DNAJC15: variants seen among roughly 807,000 people sequenced by gnomAD.
The protein encoded by DNAJC15 is dnaJ homolog subfamily C member 15.
A neutral mutation model predicts 22.4 loss-of-function variants in DNAJC15; 27 were observed. That is an observed-to-expected ratio of 1.20 (90% confidence interval 0.89 to 1.66). The LOEUF (loss-of-function observed/expected upper bound fraction) is 1.66, where lower values mean the gene tolerates loss of function less well. Ranked by LOEUF, DNAJC15 falls within the 40% of genes most tolerant of loss-of-function variation. The pLI, the probability that DNAJC15 is intolerant of heterozygous loss-of-function variation, is 0.00. For synonymous variants in DNAJC15, 79 were observed against 63.2 expected, an observed-to-expected ratio of 1.25 and a Z score of -1.19; for missense variants, 208 against 187.1, an observed-to-expected ratio of 1.11 and a Z score of -0.65.
intron 1 of DNAJC15, among the ~76,000 whole-genome samples, chr13:43,041,525 A>G (rs907534571): frequency 6.6e-6 from 1 of 152,152 alleles, no homozygotes; most frequent in Non-Finnish European, 1.5e-5. Flanking sequence ...GATATTTAAC[A>G]TGTCTTGTAG....
rs2040824239 is a variant in DNAJC15 at position 43,111,438 on chromosome 13, A to G, written c.*4190A>G. The G allele has an allele frequency of 6.6e-6, 1 of 152,196 alleles. No homozygotes were observed. The highest frequency in any genetic ancestry group is 2.1e-4 in the South Asian group (1 of 4,828). 9.4% of individuals were successfully genotyped at this position (152,196 alleles called of 1,614,324 possible). On this transcript the variant is annotated 3_prime_UTR_variant, in exon 6 of 6. Transcript: ENST00000379221. ...CCAGCAGCATCATTAGAAATAATAT[A>G]TTTTATTCATGTGCAGAAATCTTTT...
intron 1 of DNAJC15, among the ~76,000 whole-genome samples, chr13:43,024,337 GTTTTTTTT>G (rs376910976): frequency 9.0e-4 from 84 of 93,368 alleles, no homozygotes; most frequent in South Asian, 4.8e-3. Context: ...GTATTTTTAC[GTTTTTTTT>G]TTTTTTTTTT....
chr13:43,071,053 C>T (rs1055385117), intron 3 of DNAJC15, among the ~76,000 whole-genome samples: 4 of 152,036 alleles, frequency 2.6e-5, no homozygotes, highest in Non-Finnish European at 5.9e-5. Flanking sequence ...TTTCAGAAAT[C>T]GTTTCTTTTC....
chr13:43,076,364 A>T (rs2040633929), intron 3 of DNAJC15, among the ~76,000 whole-genome samples: 1 of 152,232 alleles, frequency 6.6e-6, no homozygotes, highest in Non-Finnish European at 1.5e-5. Flanking sequence ...CTGTTCAAAG[A>T]GTATAGCTTA....
chr13:43,074,758 C>G (rs935209339), intron 3 of DNAJC15, among the ~76,000 whole-genome samples: 8 of 152,126 alleles, frequency 5.3e-5, no homozygotes, highest in African/African-American at 1.7e-4. Flanking sequence ...CCTAAATTTT[C>G]TAGAAGTTTA....
At chr13:43,058,807 G>C (rs1484565879) in intron 1 of DNAJC15, among the ~76,000 whole-genome samples, 1 of 152,174 alleles carries the variant, frequency 6.6e-6, no homozygotes, top group Non-Finnish European at 1.5e-5. Context: ...TGCTTATAGG[G>C]CTCTTCCTGC....
intron 1 of DNAJC15, among the ~76,000 whole-genome samples, chr13:43,046,762 C>T (rs975731702): frequency 6.6e-6 from 1 of 152,182 alleles, no homozygotes; most frequent in African/African-American, 2.4e-5. Context: ...ACGGTTCGAG[C>T]TGAGCTTTTG....
chr13:43,051,760 C>T (rs571635621), intron 1 of DNAJC15, among the ~76,000 whole-genome samples: 1 of 152,098 alleles, frequency 6.6e-6, no homozygotes, highest in Non-Finnish European at 1.5e-5. Context: ...CATGCATGTG[C>T]AGTATCTTTT....
intron 5 of DNAJC15, among the ~76,000 whole-genome samples, chr13:43,101,453 G>A (rs1429992744): frequency 1.3e-5 from 2 of 152,194 alleles, no homozygotes; most frequent in African/African-American, 4.8e-5. Context: ...GGGAACAAGT[G>A]GTGTTTGGTT....
intron 5 of DNAJC15, among the ~76,000 whole-genome samples, chr13:43,104,431 G>T (rs2040786267): frequency 6.6e-6 from 1 of 152,172 alleles, no homozygotes; most frequent in African/African-American, 2.4e-5. Context: ...TAGCCCTCCA[G>T]TGCTTTTATA....
chr13:43,075,667 A>G (rs917556659), intron 3 of DNAJC15, among the ~76,000 whole-genome samples: 4 of 152,044 alleles, frequency 2.6e-5, no homozygotes, highest in Non-Finnish European at 5.9e-5. Context: ...CTATTCCTCT[A>G]AGTCCCTCGT....
At position 43,103,434 on chromosome 13, in the gene DNAJC15, A is replaced by T. The variant is rs180832373; in HGVS notation, c.383-3744A>T. 2.8e-3 allele frequency among the ~76,000 whole-genome samples: 424 copies of T among 152,322 alleles called. 8 individuals carry two copies. Among genetic ancestry groups the T allele is most frequent in the Non-Finnish European group, 8.7e-4 (59 of 68,012 alleles). On this transcript the variant is annotated intron_variant, in intron 5 of 5. Coordinates refer to ENST00000379221, the MANE Select transcript of DNAJC15 (RefSeq NM_013238.3). The stretch of plus-strand genomic sequence containing the variant: ...GTATATTTTCTAAACACTTAATCTC[A>T]ATTTCCAAACCTATCTATGGTCTAA...
rs71429446 is a variant in DNAJC15, at chr13:43,032,766, A to G, written c.108+9032A>G. 8.8e-3 allele frequency among the ~76,000 whole-genome samples: 1,341 copies of G among 152,302 alleles called. 11 individuals are homozygous for G. The highest frequency in any genetic ancestry group is 0.015 in the Non-Finnish European group (1,000 of 67,990). On this transcript the variant is annotated intron_variant, in intron 1 of 5. Transcript: ENST00000379221. ...CTTGAACCCGGGAGGTGGAGGCTACAGTGAACCCAGATCACACCACTGCAC... is the reference window on the plus strand; with the variant it reads ...CTTGAACCCGGGAGGTGGAGGCTACGGTGAACCCAGATCACACCACTGCAC...
intron 2 of DNAJC15, among the ~76,000 whole-genome samples, chr13:43,066,978 C>G (rs2040587441): frequency 6.6e-6 from 1 of 152,190 alleles, no homozygotes; most frequent in African/African-American, 2.4e-5. Flanking sequence ...CATTAACTTA[C>G]AGCAGTTTTA....
At chr13:43,086,670 A>C (rs1216798528) in intron 5 of DNAJC15, among the ~76,000 whole-genome samples, 2 of 152,178 alleles carry the variant, frequency 1.3e-5, no homozygotes, top group Non-Finnish European at 2.9e-5. Context: ...TGGTTTTTGC[A>C]CTTATTATTC....
In DNAJC15 at chr13:43,055,962, A is replaced by G. The variant is rs1324158946; in HGVS notation, c.109-9724A>G. ...TCACTAATGTCAGTTCAGTTCAAAT[A>G]CTTTTTTATTTTTCATCTTGATTTC... On this transcript the variant is annotated intron_variant, in intron 1 of 5. Coordinates refer to ENST00000379221, the MANE Select transcript of DNAJC15 (RefSeq NM_013238.3). Among the ~76,000 whole-genome samples, 3 of 152,154 alleles carry G rather than the reference A, an allele frequency of 2.0e-5. No homozygotes were observed. The East Asian group carries it at 5.8e-4, about 29-fold the overall frequency.
chr13:43,074,924 C>T (rs563037555), intron 3 of DNAJC15, among the ~76,000 whole-genome samples: 1 of 152,208 alleles, frequency 6.6e-6, no homozygotes, highest in East Asian at 1.9e-4. Flanking sequence ...ATGTAGTATT[C>T]ATGGGATGCA....
intron 5 of DNAJC15, among the ~76,000 whole-genome samples, chr13:43,095,291 T>A (rs899358981): frequency 6.6e-5 from 10 of 152,158 alleles, no homozygotes; most frequent in African/African-American, 2.2e-4. Flanking sequence ...TACAGGAAAT[T>A]TAGTATTTCC....
chr13:43,105,610 C>T (rs9594888), intron 5 of DNAJC15, among the ~76,000 whole-genome samples: 1 of 150,948 alleles, frequency 6.6e-6, no homozygotes, highest in South Asian at 2.1e-4. Flanking sequence ...ATAAGACTCT[C>T]TATCATCTGT....
Sources: allele counts gnomAD v4.1 joint callset (sites outside exome capture counted in the v4.1 genomes callset), GRCh38; gene constraint gnomAD v4.1.1; transcripts MANE v1.5; gene names NCBI Gene and HGNC (gene_info 2026-07-23, HGNC 2026-07-21).